Variants in MAP3K5 observed in about 807,000 individuals in gnomAD.
MAP3K5 encodes mitogen-activated protein kinase kinase kinase 5, also known as ASK-1.
MAP3K5 carries 56 observed loss-of-function variants against 158.7 expected under a neutral mutation model. The ratio of observed to expected loss-of-function variants is 0.35; its 90% CI spans 0.28 to 0.44. The LOEUF is 0.44. Ranked by LOEUF, MAP3K5 falls within the 20% of genes least tolerant of loss-of-function variation. The pLI, the probability that MAP3K5 is intolerant of heterozygous loss-of-function variation, is 1.00. For missense variants in MAP3K5, 1,294 were observed against 1,674.8 expected, an observed-to-expected ratio of 0.77 and a Z score of 3.97; for synonymous variants, 579 against 601.7, an observed-to-expected ratio of 0.96 and a Z score of 0.55.
chr6:136,726,520 G>A (rs1021504074), intron 1 of MAP3K5, among the ~76,000 whole-genome samples: 2 of 152,044 alleles, frequency 1.3e-5, no homozygotes, highest in African/African-American at 2.4e-5. Flanking sequence ...TTGAACCTTG[G>A]AGGCAGAGGC....
intron 1 of MAP3K5, among the ~76,000 whole-genome samples, chr6:136,734,447 C>T (rs1240979467): frequency 8.0e-6 from 1 of 124,262 alleles, no homozygotes; most frequent in East Asian, 2.2e-4. Flanking sequence ...AAAAAAAAGG[C>T]AATGGGATAG....
chr6:136,742,967 A>C (rs1486295487), intron 1 of MAP3K5, among the ~76,000 whole-genome samples: 1 of 151,880 alleles, frequency 6.6e-6, no homozygotes, highest in African/African-American at 2.4e-5. Flanking sequence ...CCAAGGCAGG[A>C]GGATCACTTA....
chr6:136,786,202 C>T (rs956974529), intron 1 of MAP3K5, among the ~76,000 whole-genome samples: 1 of 151,906 alleles, frequency 6.6e-6, no homozygotes, highest in Non-Finnish European at 1.5e-5. Flanking sequence ...AAGATGAAAC[C>T]CTGTCTCTAC....
chr6:136,562,837 ATTT>A (rs3040779), intron 26 of MAP3K5, among the ~76,000 whole-genome samples: 2 of 124,840 alleles, frequency 1.6e-5, no homozygotes, highest in Non-Finnish European at 3.3e-5. Flanking sequence ...TGCCTGGCTA[ATTT>A]TTTTTTTTTT....
intron 1 of MAP3K5, among the ~76,000 whole-genome samples, chr6:136,789,532 C>T (rs1218489841): frequency 2.0e-5 from 3 of 151,960 alleles, no homozygotes; most frequent in African/African-American, 2.4e-5. Flanking sequence ...GAGAGCATGC[C>T]CTCCCCACTA....
intron 14 of MAP3K5, among the ~76,000 whole-genome samples, chr6:136,635,035 C>T (rs1777554647): frequency 6.6e-6 from 1 of 151,834 alleles, no homozygotes; most frequent in Admixed American, 6.6e-5. Flanking sequence ...TAGGCACCTG[C>T]CACCACAGCC....
chr6:136,642,006 AAAATAAAAT>A (rs1245138041), intron 12 of MAP3K5, among the ~76,000 whole-genome samples: 1 of 121,790 alleles, frequency 8.2e-6, no homozygotes, highest in Non-Finnish European at 1.7e-5. Flanking sequence ...AAAATAAAAT[AAAATAAAAT>A]AAATAAAATA....
intron 25 of MAP3K5, among the ~76,000 whole-genome samples, chr6:136,573,540 T>G (rs1774463484): frequency 6.6e-6 from 1 of 152,152 alleles, no homozygotes; most frequent in African/African-American, 2.4e-5. Context: ...TGCTAAGGGG[T>G]AAATAAAGTA....
chr6:136,700,861 C>T (rs1165033757), intron 3 of MAP3K5, among the ~76,000 whole-genome samples: 5 of 152,058 alleles, frequency 3.3e-5, no homozygotes, highest in Non-Finnish European at 5.9e-5. Flanking sequence ...CGTGGGACAC[C>T]CGACTACTGC....
intron 1 of MAP3K5, among the ~76,000 whole-genome samples, chr6:136,728,865 C>A (rs908832180): frequency 6.6e-6 from 1 of 151,940 alleles, no homozygotes; most frequent in South Asian, 2.1e-4. Context: ...ATATTTTGCA[C>A]TTCCAGAGGT....
intron 7 of MAP3K5, among the ~76,000 whole-genome samples, chr6:136,681,443 G>A (rs1327455911): frequency 6.6e-6 from 1 of 152,096 alleles, no homozygotes; most frequent in Non-Finnish European, 1.5e-5. Flanking sequence ...AGATCATCCT[G>A]GGCAACACAG....
At chr6:136,664,184 C>T (rs1437295502) in intron 8 of MAP3K5, among the ~76,000 whole-genome samples, 1 of 152,142 alleles carries the variant, frequency 6.6e-6, no homozygotes, top group Non-Finnish European at 1.5e-5. Context: ...ATTAGATTCT[C>T]ATAGGAGCGT....
At chr6:136,578,366 TATGAA>T (rs1447839771) in intron 25 of MAP3K5, among the ~76,000 whole-genome samples, 18 of 152,306 alleles carry the variant, frequency 1.2e-4, no homozygotes, top group African/African-American at 4.1e-4. Context: ...TTCAACCAAA[TATGAA>T]TCAGGGATCC....
At chr6:136,567,973 GAT>G (rs1491253898) in intron 25 of MAP3K5, 99 bp from the exon 26 acceptor site, 1 of 1,291,312 alleles carries the variant, frequency 7.7e-7, no homozygotes, top group African/African-American at 1.5e-5. Flanking sequence ...CCGTCAATAA[GAT>G]ATATATTCCA....
At chr6:136,786,333 C>A (rs1784841660) in intron 1 of MAP3K5, among the ~76,000 whole-genome samples, 1 of 144,604 alleles carries the variant, frequency 6.9e-6, no homozygotes, top group Non-Finnish European at 1.5e-5. Flanking sequence ...GAGCCGAGAT[C>A]GAGCCACTGC....
chr6:136,626,951 C>T (rs547551907), intron 14 of MAP3K5, among the ~76,000 whole-genome samples: 1 of 152,160 alleles, frequency 6.6e-6, no homozygotes, highest in South Asian at 2.1e-4. Flanking sequence ...GTATCCTTTC[C>T]ACTACCTATG....
intron 2 of MAP3K5, among the ~76,000 whole-genome samples, chr6:136,710,655 G>T (rs532354137): frequency 6.6e-6 from 1 of 152,290 alleles, no homozygotes; most frequent in East Asian, 1.9e-4. Context: ...GCCAGCGAAA[G>T]AAGTGGGAAT....
Position 136,601,783 on chromosome 6 carries a change from C to A in MAP3K5, c.2857+19G>T. On this transcript the variant is annotated intron_variant, in intron 20 of 29. Transcript: ENST00000359015. ...GATTGAAGGACTCAGACTATATCCT[C>A]TTCAATGCAACCACATACCTGAAAG... The A allele has an allele frequency of 6.2e-7, 1 of 1,612,752 alleles. No homozygotes were observed. The highest frequency in any genetic ancestry group is 1.1e-5 in the South Asian group (1 of 90,968).
In MAP3K5 at chr6:136,558,766, C is replaced by T. The variant is rs141051118; in HGVS notation, c.4064+34G>A. On this transcript the variant is annotated intron_variant, in intron 29 of 29. Coordinates refer to ENST00000359015, the MANE Select transcript of MAP3K5 (RefSeq NM_005923.4). ...GACTTTTTGATATTTGCCTGGTGCT[C>T]TTTCCATAGTGACAACAGAAAGAAA... 149 of 1,367,020 alleles carry T rather than the reference C, an allele frequency of 1.1e-4. No homozygotes were observed. The African/African-American group carries it at 2.0e-3, about 18-fold the overall frequency. The allele number at this position is 1,367,020 out of a possible 1,614,324, so 84.7% of individuals were successfully genotyped here.
Sources: allele counts gnomAD v4.1 joint callset (sites outside exome capture counted in the v4.1 genomes callset), GRCh38; gene constraint gnomAD v4.1.1; transcripts MANE v1.5; gene names NCBI Gene and HGNC (gene_info 2026-07-23, HGNC 2026-07-21).